Variants in IFT140 observed in about 807,000 individuals in gnomAD.
The protein encoded by IFT140 is intraflagellar transport protein 140 homolog.
A neutral mutation model predicts 164.6 loss-of-function variants in IFT140; 133 were observed. The ratio of observed to expected loss-of-function variants is 0.81; its 90% confidence interval spans 0.70 to 0.93. The LOEUF is 0.93. IFT140 is among the 40% of genes least tolerant of loss of function. IFT140 has a pLI of 0.00. For missense variants in IFT140, 2,045 were observed against 1,972.3 expected (o/e 1.04, Z -0.70); for synonymous variants, 860 against 817.3 (o/e 1.05, Z -0.89).
At chr16:1,566,031 C>T in intron 16 of IFT140, 130 bp downstream of exon 16, 1 of 796,006 alleles carries the variant, frequency 1.3e-6, no homozygotes, top group Non-Finnish European at 2.0e-6. Flanking sequence ...CTGTTTTCCT[C>T]TTTCTTTTTC....
chr16:1,542,109 C>T (rs2031708856), intron 19 of IFT140: 1 of 1,548,752 alleles, frequency 6.5e-7, no homozygotes, highest in Non-Finnish European at 8.7e-7. Context: ...CCACCGCGCC[C>T]TTGCCCCCTG....
chr16:1,588,544 A>ATAATAATAATAATAATAG (rs2035016026), intron 7 of IFT140, among the ~76,000 whole-genome samples: 3 of 151,000 alleles, frequency 2.0e-5, no homozygotes, highest in Admixed American at 6.6e-5. Context: ...AATAATAATA[A>ATAATAATAATAATAATAG]TAATAGTAAT....
chr16:1,577,584 G>T (rs1459670600), intron 13 of IFT140: 1 of 152,174 alleles, frequency 6.6e-6, no homozygotes, highest in Non-Finnish European at 1.5e-5. Context: ...CTGTCCTTAA[G>T]AACACAGCCT....
At chr16:1,542,027 C>T (rs150353439) in intron 19 of IFT140, 87 of 1,611,146 alleles carry the variant, frequency 5.4e-5, no homozygotes, top group South Asian at 3.5e-4. Flanking sequence ...TGCTGTCACC[C>T]GACGCCCCGT....
At chr16:1,610,226 T>C (rs2036266457) in intron 2 of IFT140, 1 of 154,932 alleles carries the variant, frequency 6.5e-6, no homozygotes. Flanking sequence ...CCTCGCTGCA[T>C]CCAGCGGACG....
At chr16:1,552,740 T>C (rs904506133) in intron 19 of IFT140, among the ~76,000 whole-genome samples, 1 of 150,546 alleles carries the variant, frequency 6.6e-6, no homozygotes, top group Non-Finnish European at 1.5e-5. Context: ...CCTCCGCCTC[T>C]TGGGTTCAAG....
At position 1,584,419 on chromosome 16, in the gene IFT140, C is replaced by T; in HGVS notation, c.1157G>A (p.Trp386Ter). 1 of 1,601,596 alleles carries T rather than the reference C, an allele frequency of 6.2e-7. No homozygotes were observed. Among genetic ancestry groups the T allele is most frequent in the South Asian group, 1.1e-5 (1 of 89,278 alleles). ...ELQGNITQIQ[W>*]GSRKNLLAVN... The stretch of plus-strand genomic sequence containing the variant: ...TGCCAGCAGGTTCTTCCTGGAACCC[C>T]ACTTCATTTCCAGGTTGCAAGAGAA... Residue 386 changes from tryptophan to a stop codon, truncating the protein, a stop_gained and splice_region_variant, in exon 11 of 31, where the codon TGG becomes TAG. Transcript: ENST00000426508. LOFTEE classifies it high-confidence loss of function.
chr16:1,524,268 C>T (rs2040607535), intron 24 of IFT140: 4 of 603,404 alleles, frequency 6.6e-6, no homozygotes, highest in South Asian at 2.1e-5. Flanking sequence ...AAGGGTCTGC[C>T]GTCTGCAAGG....
chr16:1,555,047 A>C (rs775231673), intron 19 of IFT140: 3 of 1,595,314 alleles, frequency 1.9e-6, no homozygotes, highest in Non-Finnish European at 1.7e-6. Flanking sequence ...TCAGCGCTCC[A>C]TCAACGCACA....
intron 30 of IFT140, among the ~76,000 whole-genome samples, chr16:1,516,307 C>CATGT (rs2040342644): frequency 6.6e-6 from 1 of 151,920 alleles, no homozygotes; most frequent in African/African-American, 2.4e-5. Flanking sequence ...AATACATGTA[C>CATGT]ATGTTACACA....
intron 3 of IFT140, among the ~76,000 whole-genome samples, chr16:1,606,242 A>G (rs944089991): frequency 9.9e-5 from 15 of 152,250 alleles, no homozygotes; most frequent in African/African-American, 3.1e-4. Context: ...GCAGGAGGGC[A>G]CTGACAGAGG....
intron 12 of IFT140, among the ~76,000 whole-genome samples, chr16:1,582,984 G>GC (rs2034656096): frequency 6.6e-6 from 1 of 152,242 alleles, no homozygotes; most frequent in Non-Finnish European, 1.5e-5. Flanking sequence ...TGAAGTTTCA[G>GC]ACAGAGGCTG....
intron 19 of IFT140, chr16:1,540,815 C>T (rs562675204): frequency 1.0e-6 from 1 of 985,158 alleles, no homozygotes; most frequent in African/African-American, 1.7e-5. Flanking sequence ...TCGAATTTCC[C>T]AAATATTGTT....
Position 1,524,537 on chromosome 16 carries a change from C to T in IFT140, c.3141+15G>A. 1 of 1,611,146 alleles carries T rather than the reference C, an allele frequency of 6.2e-7. No individual in the cohort carries two copies. The highest frequency in any genetic ancestry group is 2.2e-5 in the East Asian group (1 of 44,842). Reference sequence around the variant, plus strand: ...CCTCGAGAAGCGCCGGCTCCCCACCCCGGGCCCGTGGTACCTTGCACAGGC... The same window carrying T: ...CCTCGAGAAGCGCCGGCTCCCCACCTCGGGCCCGTGGTACCTTGCACAGGC... On this transcript the variant is annotated intron_variant, in intron 24 of 30. Coordinates refer to ENST00000426508, the MANE Select transcript of IFT140 (RefSeq NM_014714.4).
chr16:1,554,667 G>C, intron 19 of IFT140: 1 of 1,446,212 alleles, frequency 6.9e-7, no homozygotes. Flanking sequence ...CTCTAGGACA[G>C]AGGGCTGGGG....
intron 19 of IFT140, among the ~76,000 whole-genome samples, chr16:1,540,591 G>A (rs1022045488): frequency 1.3e-5 from 2 of 152,208 alleles, no homozygotes; most frequent in Non-Finnish European, 1.5e-5. Context: ...GCTGCTCCCT[G>A]GATTCTGGTG....
rs566532614 is a variant in IFT140, at chr16:1,553,773, C to T, written c.2399+4162G>A. ...ATGAGGAGGGGCAGGGCCATGTGGA[C>T]AGCCTCTCCTCCATCCTAGAGCCTA... On this transcript the variant is annotated intron_variant, in intron 19 of 30. Transcript: ENST00000426508. This position sits in a 1 kb window ranked among gnomAD's most constrained non-coding sequence, Gnocchi z 4.4. 93 of 1,177,702 alleles carry T rather than the reference C, an allele frequency of 7.9e-5. No homozygotes were observed. Among genetic ancestry groups the T allele is most frequent in the Non-Finnish European group, 9.7e-5 (91 of 936,094 alleles). The allele number at this position is 1,177,702 out of a possible 1,614,324, so 73.0% of individuals were successfully genotyped here.
Position 1,595,216 on chromosome 16 carries a change from C to T in IFT140, c.370-2628G>A, listed in dbSNP as rs899725824. ...AGGAGAATGGTGTGAACCCAGGAGG[C>T]GGAGCTTGCAGTGAGCCGAGATGGC... On this transcript the variant is annotated intron_variant, in intron 4 of 30. Transcript: ENST00000426508. 7.2e-5 allele frequency among the ~76,000 whole-genome samples: 11 copies of T among 151,830 alleles called. No homozygotes were observed. In the South Asian group the frequency reaches 2.3e-3, roughly 32 times the overall value.
chr16:1,549,397 C>T (rs865804515), intron 19 of IFT140, among the ~76,000 whole-genome samples: 10 of 152,246 alleles, frequency 6.6e-5, no homozygotes, highest in African/African-American at 2.4e-4. Context: ...TCCCAGAACG[C>T]GGCTCCAGAC....
Sources: gnomAD v4.1 joint callset for allele counts (sites outside exome capture counted in the v4.1 genomes callset) on GRCh38, gnomAD v4.1.1 for gene constraint, Gnocchi (gnomAD v3.1) non-coding constraint, MANE v1.5 for transcripts, NCBI Gene and HGNC (gene_info 2026-07-23, HGNC 2026-07-21) for gene names.